Variants in ACTN1 observed in about 807,000 individuals in gnomAD.
ACTN1 encodes alpha-actinin-1.
ACTN1 carries 30 observed loss-of-function variants against 119.6 expected under a neutral mutation model. That is an observed-to-expected ratio of 0.25 (90% CI 0.19 to 0.34). The LOEUF (loss-of-function observed/expected upper bound fraction) is 0.34. Ranked by LOEUF, ACTN1 falls within the 10% of genes least tolerant of loss-of-function variation. ACTN1 has a pLI of 1.00. For missense variants in ACTN1, 764 were observed against 1,223.4 expected (o/e 0.62, Z 5.60); for synonymous variants, 429 against 472.6 (o/e 0.91, Z 1.20).
intron 1 of ACTN1, among the ~76,000 whole-genome samples, chr14:68,973,469 A>C (rs2012750): frequency 0.18 from 28,119 of 152,130 alleles, 2,757 homozygotes; most frequent in Non-Finnish European, 0.22. Context: ...GTGAAGAAGG[A>C]CATGTTTGCT....
In ACTN1 at chr14:68,882,882, T is replaced by C; in HGVS notation, c.1809A>G (p.Lys603=). 1 of 1,614,194 alleles carries C rather than the reference T, an allele frequency of 6.2e-7. No homozygotes were observed. The highest frequency in any genetic ancestry group is 1.1e-5 in the South Asian group (1 of 91,086). Reference sequence around the variant, plus strand: ...ATGCCCTTCAACTCACGTGGTCCCATTTGCCATTGATCTCCTGAGGCGTGA... The same window carrying C: ...ATGCCCTTCAACTCACGTGGTCCCACTTGCCATTGATCTCCTGAGGCGTGA... ...TTITPQEING[K]WDHVRQLVPR... is the part of the protein sequence containing the mutation. Residue 603 remains lysine (K), a synonymous_variant, in exon 15 of 22, where the codon AAA becomes AAG. Coordinates refer to ENST00000394419, the MANE Select transcript of ACTN1 (RefSeq NM_001130004.2). This position sits in a 1 kb window ranked among gnomAD's most constrained non-coding sequence, Gnocchi z 4.5.
intron 1 of ACTN1, among the ~76,000 whole-genome samples, chr14:68,931,504 A>G (rs1282451719): frequency 1.3e-5 from 2 of 152,208 alleles, no homozygotes; most frequent in Non-Finnish European, 2.9e-5. Context: ...CCTTCCATGA[A>G]TGAGTGAGTA....
chr14:68,965,295 G>A (rs2036669701), intron 1 of ACTN1, among the ~76,000 whole-genome samples: 1 of 152,216 alleles, frequency 6.6e-6, no homozygotes, highest in African/African-American at 2.4e-5. Context: ...TCAAACTGCT[G>A]CAAAGGAGAG....
chr14:68,941,111 C>T (rs560685931), intron 1 of ACTN1, among the ~76,000 whole-genome samples: 40 of 152,322 alleles, frequency 2.6e-4, no homozygotes, highest in African/African-American at 9.4e-4. Context: ...CGAATTACTG[C>T]ACCTCTTTAA....
intron 20 of ACTN1, chr14:68,877,621 T>C (rs2031052650): frequency 5.6e-6 from 1 of 178,978 alleles, no homozygotes; most frequent in Non-Finnish European, 1.2e-5. Context: ...ATCTTCATTG[T>C]ACAGATGAGA....
At chr14:68,948,684 C>T (rs1447754618) in intron 1 of ACTN1, among the ~76,000 whole-genome samples, 1 of 152,178 alleles carries the variant, frequency 6.6e-6, no homozygotes, top group African/African-American at 2.4e-5. Flanking sequence ...AAACCAAAAG[C>T]CAGGAGTTCT....
chr14:68,954,151 G>C (rs2036270745), intron 1 of ACTN1, among the ~76,000 whole-genome samples: 2 of 152,074 alleles, frequency 1.3e-5, no homozygotes, highest in South Asian at 4.2e-4. Flanking sequence ...ACAGTCTGTT[G>C]AATATTTTAT....
rs762175698 is a variant in ACTN1 at position 68,874,854 on chromosome 14, G to A, written c.*5C>T. 1.1e-5 allele frequency: 18 copies of A among 1,570,054 alleles called. 1 individual carries two copies. The Admixed American group carries it at 2.1e-4, about 18-fold the overall frequency. On this transcript the variant is annotated 3_prime_UTR_variant, in exon 22 of 22. Coordinates refer to ENST00000394419, the MANE Select transcript of ACTN1 (RefSeq NM_001130004.2). ...CACAAGACGAGGGCGGCCGGGCGGG[G>A]TGGATTAGAGGTCACTCTCGCCGTA...
chr14:68,936,009 G>T (rs1372390416), intron 1 of ACTN1, among the ~76,000 whole-genome samples: 1 of 152,188 alleles, frequency 6.6e-6, no homozygotes, highest in Non-Finnish European at 1.5e-5. Context: ...CCCTGGCTCA[G>T]CCAGGCGTGT....
chr14:68,875,116 G>A, intron 21 of ACTN1, 99 bp from the exon 22 acceptor site: 3 of 1,561,296 alleles, frequency 1.9e-6, no homozygotes, highest in Non-Finnish European at 2.6e-6. Flanking sequence ...AAGGCAGCAT[G>A]TGCCGTTTGC....
At chr14:68,875,256 T>C in intron 21 of ACTN1, 2 of 1,108,140 alleles carry the variant, frequency 1.8e-6, no homozygotes, top group Non-Finnish European at 2.5e-6. Context: ...TGTAAGCCAC[T>C]TTCCAATCTA....
chr14:68,944,564 T>G (rs2035869056), intron 1 of ACTN1, among the ~76,000 whole-genome samples: 1 of 152,168 alleles, frequency 6.6e-6, no homozygotes. Flanking sequence ...AAGCAAAGAT[T>G]TTATCAATGC....
intron 1 of ACTN1, among the ~76,000 whole-genome samples, chr14:68,964,852 C>T (rs1466573703): frequency 6.6e-6 from 1 of 152,212 alleles, no homozygotes; most frequent in East Asian, 1.9e-4. Context: ...CTCATCTCTC[C>T]ATTCCCTCCT....
intron 1 of ACTN1, among the ~76,000 whole-genome samples, chr14:68,964,874 G>GC (rs1340043517): frequency 6.6e-6 from 1 of 152,056 alleles, no homozygotes; most frequent in Non-Finnish European, 1.5e-5. Flanking sequence ...AACTGCAAAC[G>GC]CAAGAGCCAG....
At chr14:68,955,800 C>T (rs967837241) in intron 1 of ACTN1, among the ~76,000 whole-genome samples, 1 of 152,218 alleles carries the variant, frequency 6.6e-6, no homozygotes, top group Non-Finnish European at 1.5e-5. Flanking sequence ...AACCAGACCA[C>T]GTGCTCCAAA....
chr14:68,967,491 C>G (rs955284536), intron 1 of ACTN1, among the ~76,000 whole-genome samples: 4 of 152,190 alleles, frequency 2.6e-5, no homozygotes, highest in Admixed American at 2.6e-4. Context: ...CACAAATCCA[C>G]CTTTGATCAT....
chr14:68,946,199 C>T (rs1169610518), intron 1 of ACTN1, among the ~76,000 whole-genome samples: 3 of 152,264 alleles, frequency 2.0e-5, no homozygotes, highest in South Asian at 2.1e-4. Flanking sequence ...CCCACCTCAC[C>T]ACCACCAATC....
Position 68,882,975 on chromosome 14 carries a change from G to T in ACTN1, c.1716C>A (p.His572Gln). Residue 572 changes from histidine to glutamine, a missense_variant, in exon 15 of 22, where the codon CAC (histidine) becomes CAA (glutamine). Physicochemically the swap from His to Gln is conservative, Grantham distance 24 (BLOSUM62 0). Transcript: ENST00000394419. The surrounding 1 kb of genome is among the most constrained non-coding windows in gnomAD (Gnocchi z 4.5). ...DKERLAILGI[H>Q]NEVSKIVQTY... is the part of the protein sequence containing the mutation. The stretch of plus-strand genomic sequence containing the variant: ...TCTGGACAATCTTGGACACCTCATT[G>T]TGGATGCCCAGGATGGCCAGGCGCT... 1 of 1,614,210 alleles carries T rather than the reference G, an allele frequency of 6.2e-7. No individual in the cohort carries two copies. Among genetic ancestry groups the T allele is most frequent in the Non-Finnish European group, 8.5e-7 (1 of 1,180,044 alleles).
rs929092896 is a variant in ACTN1 at position 68,885,035 on chromosome 14, CT to C, written c.1386-153del. The C allele has an allele frequency of 1.1e-4, 73 of 653,398 alleles. No homozygotes were observed. In the African/African-American group the frequency reaches 1.3e-3, roughly 12 times the overall value. The allele number at this position is 653,398 out of a possible 1,614,324, so 40.5% of individuals were successfully genotyped here. A position where few individuals can be genotyped will look rare whatever the true frequency, so the allele number is the denominator to read the frequency against. ...GACCTTCCAGGCACTCCTTCCACCC[CT>C]CCCCTCTTTCAGGAGACTGGCAGAG... is the stretch of plus-strand genomic sequence containing the variant. On this transcript the variant is annotated intron_variant, in intron 12 of 21. Coordinates refer to ENST00000394419, the MANE Select transcript of ACTN1 (RefSeq NM_001130004.2). The surrounding 1 kb of genome is among the most constrained non-coding windows in gnomAD (Gnocchi z 5.6).
Sources: allele counts gnomAD v4.1 joint callset (sites outside exome capture counted in the v4.1 genomes callset), GRCh38; gene constraint gnomAD v4.1.1; non-coding constraint Gnocchi (gnomAD v3.1); transcripts MANE v1.5; gene names NCBI Gene and HGNC (gene_info 2026-07-23, HGNC 2026-07-21).